The following MERTK variants were observed in gnomAD, a reference collection of about 807,000 sequenced individuals.
The protein encoded by MERTK is MER proto-oncogene, tyrosine kinase.
A neutral mutation model predicts 99.3 loss-of-function variants in MERTK; 69 were observed. The observed-to-expected ratio is 0.70, with a 90% CI of 0.57 to 0.85. The LOEUF is 0.85. Ranked by LOEUF, MERTK falls within the 40% of genes least tolerant of loss-of-function variation. The pLI is 0.00. For synonymous variants in MERTK, 426 were observed against 467.6 expected (o/e 0.91, Z 1.15); for missense variants, 1,125 against 1,249.4 (o/e 0.90, Z 1.50).
chr2:111,918,350 A>G (rs1164008617), intron 1 of MERTK, among the ~76,000 whole-genome samples: 1 of 152,192 alleles, frequency 6.6e-6, no homozygotes, highest in Non-Finnish European at 1.5e-5. Flanking sequence ...GCTTTTTAGT[A>G]ATAGTAATTT....
chr2:112,028,451 G>A lies in MERTK; in HGVS notation c.2587G>A (p.Asp863Asn). 6.2e-7 allele frequency: 1 copy of A among 1,614,156 alleles called. No homozygotes were observed. ...QLEKLLESLP[D>N]VRNQADVIYV... ...AGAAAAACTCTTAGAAAGTTTGCCT[G>A]ACGTTCGGAACCAAGCAGACGTTAT... Residue 863 changes from aspartate to asparagine, a missense_variant, in exon 19 of 19, where the codon GAC (aspartate) becomes AAC (asparagine). By Grantham distance (23) the Asp-to-Asn change is conservative. Transcript: ENST00000295408.
chr2:111,943,985 G>A (rs1684910774), intron 2 of MERTK, among the ~76,000 whole-genome samples: 1 of 151,992 alleles, frequency 6.6e-6, no homozygotes, highest in African/African-American at 2.4e-5. Context: ...AGAACCACTG[G>A]TGCAGAGTCT....
intron 4 of MERTK, among the ~76,000 whole-genome samples, chr2:111,958,599 C>T (rs1212982488): frequency 6.6e-6 from 1 of 152,188 alleles, no homozygotes; most frequent in African/African-American, 2.4e-5. Context: ...TGTGTGGTTA[C>T]TGCCAGGCAA....
At chr2:111,898,856 G>C (rs1174486688) in intron 1 of MERTK, 60 bp downstream of exon 1, 1 of 1,515,970 alleles carries the variant, frequency 6.6e-7, no homozygotes. Context: ...GGAAGCAGGG[G>C]CCTCTGGGGA....
rs759014180 is a variant in MERTK, at chr2:111,994,269, G to T, written c.1315G>T (p.Val439Phe). ...TCTCCAGAAAGAGCTCTTGGAGGAA[G>T]TTGGCCAGAATGGCAGCCGAGCTCG... ...AGISKELLEEVGQNGSRARIS... is the reference protein window; with the variant it reads ...AGISKELLEEFGQNGSRARIS... Residue 439 changes from valine to phenylalanine, a missense_variant, in exon 9 of 19, where the codon GTT (valine) becomes TTT (phenylalanine). Transcript: ENST00000295408. 10 of 1,613,950 alleles carry T rather than the reference G, an allele frequency of 6.2e-6. No individual in the cohort carries two copies. The highest frequency in any genetic ancestry group is 8.5e-6 in the Non-Finnish European group (10 of 1,180,046).
intron 8 of MERTK, 46 bp from the exon 9 acceptor site, chr2:111,994,205 C>T (rs1376389577): frequency 1.9e-6 from 3 of 1,610,798 alleles, no homozygotes; most frequent in Non-Finnish European, 1.7e-6. Flanking sequence ...CTGCAGTTTG[C>T]CCAGACCTCA....
chr2:111,910,959 T>C (rs1684236234), intron 1 of MERTK, among the ~76,000 whole-genome samples: 2 of 152,218 alleles, frequency 1.3e-5, no homozygotes, highest in African/African-American at 4.8e-5. Flanking sequence ...CAGTAATGTG[T>C]AATGTGCTCC....
intron 8 of MERTK, among the ~76,000 whole-genome samples, chr2:111,985,202 A>G (rs547546877): frequency 1.0e-3 from 158 of 152,324 alleles, no homozygotes; most frequent in African/African-American, 3.7e-3. Context: ...CCAGAGGGAC[A>G]TTTGATTTTG....
At chr2:111,959,845 ATGTGGGT>A (rs1685211768) in intron 4 of MERTK, among the ~76,000 whole-genome samples, 1 of 152,146 alleles carries the variant, frequency 6.6e-6, no homozygotes, top group Non-Finnish European at 1.5e-5. Flanking sequence ...GTTCTTGTTT[ATGTGGGT>A]CATATCTATC....
chr2:111,956,115 TA>T (rs954995406), intron 4 of MERTK, among the ~76,000 whole-genome samples: 53 of 147,422 alleles, frequency 3.6e-4, no homozygotes, highest in African/African-American at 5.2e-4. Context: ...CTTAAAGTAT[TA>T]AAAAAAAAAA....
At chr2:111,961,156 C>CTTT (rs1052197732) in intron 4 of MERTK, among the ~76,000 whole-genome samples, 265 of 98,036 alleles carry the variant, frequency 2.7e-3, no homozygotes, top group Non-Finnish European at 3.3e-3. Flanking sequence ...AATTTTCTTT[C>CTTT]TTTTTTTTTT....
rs76001537 is a variant in MERTK at position 111,987,072 on chromosome 2, C to T, written c.1296+4079C>T. Reference sequence around the variant, plus strand: ...GACAAAACCTTGTCTCAAAATTATCCGTTCATTTTCATTTTTAGATAACTG... The same window carrying T: ...GACAAAACCTTGTCTCAAAATTATCTGTTCATTTTCATTTTTAGATAACTG... On this transcript the variant is annotated intron_variant, in intron 8 of 18. Coordinates refer to ENST00000295408, the MANE Select transcript of MERTK (RefSeq NM_006343.3). Among the ~76,000 whole-genome samples the T allele has an allele frequency of 4.7e-3, 723 of 152,258 alleles. 1 individual carries two copies. Among genetic ancestry groups the T allele is most frequent in the Non-Finnish European group, 7.4e-3 (500 of 68,018 alleles).
chr2:111,968,794 A>G lies in MERTK; in HGVS notation c.960+542A>G, dbSNP rs181765442. Among the ~76,000 whole-genome samples the G allele has an allele frequency of 6.5e-3, 984 of 151,882 alleles. 13 individuals are homozygous for G. The highest frequency in any genetic ancestry group is 0.023 in the African/African-American group (948 of 41,386). On this transcript the variant is annotated intron_variant, in intron 6 of 18. Coordinates refer to ENST00000295408, the MANE Select transcript of MERTK (RefSeq NM_006343.3). Reference sequence around the variant, plus strand: ...TCCGCCCGCCTCGGCCTCCCAAAGTACTGGGATTACAGGCGTGAGCCACCA... The same window carrying G: ...TCCGCCCGCCTCGGCCTCCCAAAGTGCTGGGATTACAGGCGTGAGCCACCA...
chr2:112,010,137 A>T lies in MERTK; in HGVS notation c.2079+71A>T. The T allele has an allele frequency of 4.4e-6, 5 of 1,145,072 alleles. No homozygotes were observed. In the Admixed American group the frequency reaches 8.4e-5, roughly 19 times the overall value. The allele number at this position is 1,145,072 out of a possible 1,614,324, so 70.9% of individuals were successfully genotyped here. ...GTGACTTAGCCAGGACAACCAAATC[A>T]TCTAATCTTGAAAGTGAAGCCAGGA... On this transcript the variant is annotated intron_variant, in intron 15 of 18. Coordinates refer to ENST00000295408, the MANE Select transcript of MERTK (RefSeq NM_006343.3).
chr2:112,016,000 G>C (rs1406007648), intron 15 of MERTK, among the ~76,000 whole-genome samples: 1 of 152,142 alleles, frequency 6.6e-6, no homozygotes, highest in Non-Finnish European at 1.5e-5. Context: ...TGAGTCCTCT[G>C]TTCTGTTTCA....
intron 9 of MERTK, chr2:111,997,088 G>A: frequency 1.5e-6 from 1 of 664,634 alleles, no homozygotes; most frequent in Non-Finnish European, 2.8e-6. Flanking sequence ...GGAGTACAGT[G>A]TGACATTTTG....
At position 111,982,993 on chromosome 2, in the gene MERTK, C is replaced by A; in HGVS notation, c.1296C>A (p.Ser432=). ...ACGTGTGGCAGAGTGCAGGGATTTC[C>A]GTAAGTCTAAACCCTAGAAGAGCAC... ...ISHVWQSAGI[S]KELLEEVGQN... Residue 432 remains serine (S), a splice_region_variant and synonymous_variant, in exon 8 of 19, where the codon TCC becomes TCA. Transcript: ENST00000295408. 6.2e-7 allele frequency: 1 copy of A among 1,612,834 alleles called. No homozygotes were observed. Among genetic ancestry groups the A allele is most frequent in the Non-Finnish European group, 8.5e-7 (1 of 1,179,702 alleles).
At chr2:112,020,851 A>G (rs1202341493) in intron 16 of MERTK, among the ~76,000 whole-genome samples, 1 of 151,992 alleles carries the variant, frequency 6.6e-6, no homozygotes, top group African/African-American at 2.4e-5. Flanking sequence ...CACTGTGCAC[A>G]GGTGCCCTTG....
chr2:111,916,632 G>A (rs1308628371), intron 1 of MERTK, among the ~76,000 whole-genome samples: 6 of 151,938 alleles, frequency 3.9e-5, no homozygotes, highest in Non-Finnish European at 7.4e-5. Context: ...CATGTTTCAA[G>A]CATGTTCATA....
Sources: allele counts gnomAD v4.1 joint callset (sites outside exome capture counted in the v4.1 genomes callset), GRCh38; gene constraint gnomAD v4.1.1; transcripts MANE v1.5; gene names NCBI Gene and HGNC (gene_info 2026-07-23, HGNC 2026-07-21).